SLC43A1: variants seen among roughly 807,000 people sequenced by gnomAD.
SLC43A1 encodes large neutral amino acids transporter small subunit 3.
Under a neutral mutation model 59.5 loss-of-function variants are expected in SLC43A1, and 31 were observed. The observed-to-expected ratio is 0.52, with a 90% CI of 0.39 to 0.70. The LOEUF is 0.70. Ranked by LOEUF, SLC43A1 falls within the 30% of genes least tolerant of loss-of-function variation. SLC43A1 has a pLI of 0.00. For synonymous variants in SLC43A1, 259 were observed against 290.9 expected, an observed-to-expected ratio of 0.89 and a Z score of 1.12; for missense variants, 598 against 717.8, an observed-to-expected ratio of 0.83 and a Z score of 1.91.
At chr11:57,503,670 C>T (rs950748897) in intron 2 of SLC43A1, among the ~76,000 whole-genome samples, 4 of 152,294 alleles carry the variant, frequency 2.6e-5, no homozygotes, top group African/African-American at 4.8e-5. Flanking sequence ...CACCCACTTA[C>T]TGGATATTTA....
rs144664154 is a variant in SLC43A1, at chr11:57,485,951, G to A, written c.1534-709C>T. Among the ~76,000 whole-genome samples, 403 of 152,372 alleles carry A rather than the reference G, an allele frequency of 2.6e-3. 3 individuals are homozygous for A. The highest frequency in any genetic ancestry group is 0.012 in the South Asian group (56 of 4,830). On this transcript the variant is annotated intron_variant, in intron 14 of 14. Transcript: ENST00000278426. Reference sequence around the variant, plus strand: ...CCCACAGGGCAGATGAAAGATCAGCGTCAGGGAGGCAGATGAGTTCAATGT... The same window carrying A: ...CCCACAGGGCAGATGAAAGATCAGCATCAGGGAGGCAGATGAGTTCAATGT...
intron 8 of SLC43A1, 83 bp from the exon 9 acceptor site, chr11:57,491,945 G>C (rs909470844): frequency 7.5e-7 from 1 of 1,333,188 alleles, no homozygotes; most frequent in East Asian, 2.4e-5. Flanking sequence ...TTCTTGGGGG[G>C]AGTGACACTA....
In SLC43A1 at chr11:57,491,707, G is replaced by A. The variant is rs1351441965; in HGVS notation, c.1018+9C>T. 1.2e-6 allele frequency: 2 copies of A among 1,614,260 alleles called. No homozygotes were observed. The highest frequency in any genetic ancestry group is 3.3e-5 in the Admixed American group (2 of 60,036). On this transcript the variant is annotated intron_variant, in intron 9 of 14. Transcript: ENST00000278426. ...CCCCCAACCCCCAGGGGCCTCAGCG[G>A]TGCCTCACCATGCTCCTGGCCACCA... is the stretch of plus-strand genomic sequence containing the variant.
intron 13 of SLC43A1, among the ~76,000 whole-genome samples, chr11:57,488,535 G>A (rs561552588): frequency 1.3e-5 from 2 of 152,288 alleles, no homozygotes; most frequent in South Asian, 2.1e-4. Context: ...CCTCAGCAGC[G>A]CCCAGCAGGG....
At chr11:57,486,615 T>C (rs2439890) in intron 14 of SLC43A1, among the ~76,000 whole-genome samples, 121,087 of 149,194 alleles carry the variant, frequency 0.81, 49,467 homozygotes, top group African/African-American at 0.9. Flanking sequence ...CTGGCTAGCA[T>C]GGTGAAACCC....
In SLC43A1 at chr11:57,501,294, G is replaced by T. The variant is rs751356836; in HGVS notation, c.190C>A (p.Arg64Ser). The stretch of plus-strand genomic sequence containing the variant: ...TGCTGGTCACAGCCTGGCCACCTGC[G>T]CTGCTCATCCTGGGTGGTGTTGGTG... The part of the protein sequence containing the change: ...SSTNTTQDEQ[R>S]RWPGCDQQDE... The change falls in exon 3 of 15, where the codon CGC becomes AGC. Residue 64 changes from arginine to serine, a missense_variant. Physicochemically the swap from Arg to Ser is moderately radical, Grantham distance 110 (BLOSUM62 -1). Coordinates refer to ENST00000278426, the MANE Select transcript of SLC43A1 (RefSeq NM_003627.6). 1 of 1,611,278 alleles carries T rather than the reference G, an allele frequency of 6.2e-7. No homozygotes were observed. Among genetic ancestry groups the T allele is most frequent in the Admixed American group, 1.7e-5 (1 of 60,026 alleles).
At position 57,501,280 on chromosome 11, in the gene SLC43A1, G is replaced by T; in HGVS notation, c.204C>A (p.Gly68=). ...TTQDEQRRWP[G]CDQQDEMLNL... is the part of the protein sequence containing the mutation. Reference sequence around the variant, plus strand: ...TGAGCATCTCGTCCTGCTGGTCACAGCCTGGCCACCTGCGCTGCTCATCCT... The same window carrying T: ...TGAGCATCTCGTCCTGCTGGTCACATCCTGGCCACCTGCGCTGCTCATCCT... Residue 68 remains glycine (G), a synonymous_variant, in exon 3 of 15, where the codon GGC becomes GGA. Transcript: ENST00000278426. The T allele has an allele frequency of 3.1e-6, 5 of 1,611,946 alleles. No homozygotes were observed. The highest frequency in any genetic ancestry group is 1.6e-4 in the Middle Eastern group (1 of 6,062).
At chr11:57,496,276 G>T in intron 6 of SLC43A1, 112 bp from the exon 7 acceptor site, 1 of 1,262,946 alleles carries the variant, frequency 7.9e-7, no homozygotes, top group Non-Finnish European at 1.1e-6. Context: ...CCTTGTCCTT[G>T]TGCCCAATTT....
rs768712508 is a variant in SLC43A1, at chr11:57,497,845, G to T, written c.466C>A (p.Leu156Met). 4 of 1,612,254 alleles carry T rather than the reference G, an allele frequency of 2.5e-6. No individual in the cohort carries two copies. Among genetic ancestry groups the T allele is most frequent in the Non-Finnish European group, 3.4e-6 (4 of 1,179,182 alleles). ...GICLTFTSLTLPNMFGNLRST... is the reference protein window; with the variant it reads ...GICLTFTSLTMPNMFGNLRST... Reference sequence around the variant, plus strand: ...CGCAGGTTCCCAAACATGTTGGGCAGCTGAGGAGGGAAAGCAGCACCCATG... The same window carrying T: ...CGCAGGTTCCCAAACATGTTGGGCATCTGAGGAGGGAAAGCAGCACCCATG... Residue 156 changes from leucine to methionine, a missense_variant and splice_region_variant, in exon 6 of 15, where the codon CTG (leucine) becomes ATG (methionine). Physicochemically the swap from Leu to Met is conservative, Grantham distance 15. Coordinates refer to ENST00000278426, the MANE Select transcript of SLC43A1 (RefSeq NM_003627.6).
At chr11:57,500,050 G>C (rs1420578317) in intron 5 of SLC43A1, among the ~76,000 whole-genome samples, 2 of 152,160 alleles carry the variant, frequency 1.3e-5, no homozygotes, top group African/African-American at 2.4e-5. Context: ...GTCCGAGCCA[G>C]CCCGGCCAGG....
chr11:57,499,187 G>A (rs1181674757), intron 5 of SLC43A1, among the ~76,000 whole-genome samples: 1 of 152,152 alleles, frequency 6.6e-6, no homozygotes, highest in Non-Finnish European at 1.5e-5. Flanking sequence ...AGCCGGGCGT[G>A]GAGGCGTGCA....
In SLC43A1 at chr11:57,497,744, G is replaced by A. The variant is rs778209582; in HGVS notation, c.558+9C>T. On this transcript the variant is annotated intron_variant, in intron 6 of 14. Coordinates refer to ENST00000278426, the MANE Select transcript of SLC43A1 (RefSeq NM_003627.6). ...TCAAGACAAAAAGAAAACCCAGGTG[G>A]CCTCATACCTTGATTCCTGGGAACG... 7 of 1,608,910 alleles carry A rather than the reference G, an allele frequency of 4.4e-6. No individual in the cohort carries two copies. In the Admixed American group the frequency reaches 6.7e-5, roughly 15 times the overall value.
In SLC43A1 at chr11:57,491,638, G is replaced by A; in HGVS notation, c.1019-12C>T. 2 of 1,614,190 alleles carry A rather than the reference G, an allele frequency of 1.2e-6. No homozygotes were observed. On this transcript the variant is annotated splice_polypyrimidine_tract_variant and intron_variant, in intron 9 of 14. Coordinates refer to ENST00000278426, the MANE Select transcript of SLC43A1 (RefSeq NM_003627.6). ...CTGTTCATTTGTCTCTGTGGGTAGG[G>A]AAACGTATGGTGAGGGGAGCTCAGC...
intron 5 of SLC43A1, among the ~76,000 whole-genome samples, chr11:57,500,491 T>C (rs1417371876): frequency 6.6e-6 from 1 of 152,162 alleles, no homozygotes; most frequent in Admixed American, 6.6e-5. Context: ...TCAGTCCTGA[T>C]TGTGCTGTAG....
rs1169396072 is a variant in SLC43A1 at position 57,501,306 on chromosome 11, G to C, written c.178C>G (p.Gln60Glu). ...CCTGGCCACCTGCGCTGCTCATCCT[G>C]GGTGGTGTTGGTGCTGCTCTCAGCT... Reference protein sequence around the residue: ...CPAESSTNTTQDEQRRWPGCD... With the variant: ...CPAESSTNTTEDEQRRWPGCD... Residue 60 changes from glutamine to glutamate, a missense_variant, in exon 3 of 15, where the codon CAG (glutamine) becomes GAG (glutamate). Gln to Glu is a conservative substitution (Grantham distance 29). Transcript: ENST00000278426. 1.2e-6 allele frequency: 2 copies of C among 1,610,460 alleles called. No individual in the cohort carries two copies. Among genetic ancestry groups the C allele is most frequent in the Non-Finnish European group, 1.7e-6 (2 of 1,180,010 alleles).
At chr11:57,505,548 C>T (rs990867075) in intron 2 of SLC43A1, among the ~76,000 whole-genome samples, 8 of 151,816 alleles carry the variant, frequency 5.3e-5, no homozygotes, top group Admixed American at 3.9e-4. Flanking sequence ...TAACAAAAAA[C>T]GATACACGTA....
rs1944134514 is a variant in SLC43A1, at chr11:57,497,850, G to A, written c.466-5C>T. On this transcript the variant is annotated splice_polypyrimidine_tract_variant and splice_region_variant and intron_variant, in intron 5 of 14. Coordinates refer to ENST00000278426, the MANE Select transcript of SLC43A1 (RefSeq NM_003627.6). ...GTTCCCAAACATGTTGGGCAGCTGA[G>A]GAGGGAAAGCAGCACCCATGAGGTG... The A allele has an allele frequency of 6.2e-7, 1 of 1,611,872 alleles. No individual in the cohort carries two copies. Among genetic ancestry groups the A allele is most frequent in the Non-Finnish European group, 8.5e-7 (1 of 1,179,034 alleles).
chr11:57,492,534 GTGTATATATATATATA>G (rs1369893373), intron 8 of SLC43A1, among the ~76,000 whole-genome samples: 1 of 63,434 alleles, frequency 1.6e-5, no homozygotes, highest in African/African-American at 7.1e-5. Context: ...ATATAATTTT[GTGTATATATATATATA>G]TATATATATA....
chr11:57,511,993 G>A (rs1304205460), intron 2 of SLC43A1, among the ~76,000 whole-genome samples: 1 of 152,148 alleles, frequency 6.6e-6, no homozygotes, highest in Non-Finnish European at 1.5e-5. Context: ...ATGGACTCTG[G>A]TGATGGTTGC....
Sources: allele counts gnomAD v4.1 joint callset (sites outside exome capture counted in the v4.1 genomes callset), GRCh38; gene constraint gnomAD v4.1.1; transcripts MANE v1.5; gene names NCBI Gene and HGNC (gene_info 2026-07-23, HGNC 2026-07-21).